The following LAPTM4B variants were observed in gnomAD, a reference collection of about 807,000 sequenced individuals.
LAPTM4B encodes the protein lysosomal-associated transmembrane protein 4B.
LAPTM4B carries 26 observed loss-of-function variants against 28.5 expected under a neutral mutation model. The ratio of observed to expected loss-of-function variants is 0.91; its 90% CI spans 0.67 to 1.27. The LOEUF is 1.27. LAPTM4B is among the 50% of genes most tolerant of loss of function. The pLI, the probability that LAPTM4B is intolerant of heterozygous loss-of-function variation, is 0.00. For missense variants in LAPTM4B, 288 were observed against 285.8 expected (o/e 1.01, Z -0.06); for synonymous variants, 109 against 106.4 (o/e 1.02, Z -0.15).
chr8:97,827,490 G>A (rs116791552), intron 6 of LAPTM4B, among the ~76,000 whole-genome samples: 51 of 152,292 alleles, frequency 3.3e-4, no homozygotes, highest in African/African-American at 1.2e-3. Context: ...CTTATAATAA[G>A]CCAGTAAACC....
chr8:97,812,205 T>TG (rs1491129024), intron 2 of LAPTM4B, among the ~76,000 whole-genome samples: 4 of 82,800 alleles, frequency 4.8e-5, no homozygotes, highest in African/African-American at 1.5e-4. Context: ...ATTAATTATT[T>TG]GTTTTTTTTT....
chr8:97,797,512 A>G (rs1161580816), intron 1 of LAPTM4B, among the ~76,000 whole-genome samples: 1 of 152,230 alleles, frequency 6.6e-6, no homozygotes, highest in African/African-American at 2.4e-5. Context: ...ATTTTAAAAA[A>G]TAAGATTTTA....
chr8:97,826,226 C>T (rs1242229530), intron 6 of LAPTM4B, among the ~76,000 whole-genome samples: 1 of 152,106 alleles, frequency 6.6e-6, no homozygotes, highest in Non-Finnish European at 1.5e-5. Flanking sequence ...AAATGCTCAC[C>T]ACACATTTCT....
Position 97,816,174 on chromosome 8 carries a change from G to A in LAPTM4B, c.402G>A (p.Arg134=). ...CAAACTCCATTCAGGAATACATACG[G>A]CAACTGGTACGTGGACCTCTTACTG... ...IYPNSIQEYI[R]QLPPNFPYRD... Residue 134 remains arginine (R), a synonymous_variant, in exon 4 of 7, where the codon CGG becomes CGA. Coordinates refer to ENST00000521545, the MANE Select transcript of LAPTM4B (RefSeq NM_018407.6). The A allele has an allele frequency of 6.2e-7, 1 of 1,611,452 alleles. No homozygotes were observed. Among genetic ancestry groups the A allele is most frequent in the Non-Finnish European group, 8.5e-7 (1 of 1,179,342 alleles).
chr8:97,782,973 A>G (rs143411223), intron 1 of LAPTM4B, among the ~76,000 whole-genome samples: 1 of 147,132 alleles, frequency 6.8e-6, no homozygotes, highest in East Asian at 2.0e-4. Context: ...GGGTTTCTCC[A>G]TGTTAGTCAA....
In LAPTM4B at chr8:97,851,568, A is replaced by G; in HGVS notation, c.*94A>G. 1.1e-6 allele frequency: 1 copy of G among 929,060 alleles called. No homozygotes were observed. The highest frequency in any genetic ancestry group is 2.0e-5 in the Admixed American group (1 of 48,858). 57.6% of individuals were successfully genotyped at this position (929,060 alleles called of 1,614,324 possible). A position where few individuals can be genotyped will look rare whatever the true frequency, so the allele number is the denominator to read the frequency against. Reference sequence around the variant, plus strand: ...TTCACTTTTGCCATGAGCCTCTCTGAGCTTGTTTGTTGCTGAAATGCTACT... The same window carrying G: ...TTCACTTTTGCCATGAGCCTCTCTGGGCTTGTTTGTTGCTGAAATGCTACT... On this transcript the variant is annotated 3_prime_UTR_variant, in exon 7 of 7. Transcript: ENST00000521545.
At chr8:97,823,692 T>A in intron 5 of LAPTM4B, among the ~76,000 whole-genome samples, 1 of 129,602 alleles carries the variant, frequency 7.7e-6, no homozygotes. Flanking sequence ...TATTATTATT[T>A]ATTTAGTTTT....
At chr8:97,819,314 G>A in intron 5 of LAPTM4B, 76 bp downstream of exon 5, 1 of 894,484 alleles carries the variant, frequency 1.1e-6, no homozygotes, top group Admixed American at 2.6e-5. Context: ...AACAAACTTT[G>A]GTCAGTTTAT....
At chr8:97,834,086 C>T (rs1007865018) in intron 6 of LAPTM4B, among the ~76,000 whole-genome samples, 1 of 148,068 alleles carries the variant, frequency 6.8e-6, no homozygotes, top group African/African-American at 2.5e-5. Context: ...GGGAGGATCA[C>T]TGGAGGCCAG....
intron 2 of LAPTM4B, among the ~76,000 whole-genome samples, chr8:97,811,804 A>G (rs1816831991): frequency 6.6e-6 from 1 of 151,896 alleles, no homozygotes; most frequent in Non-Finnish European, 1.5e-5. Flanking sequence ...TATTTTCTTT[A>G]CTTTTGTATT....
intron 1 of LAPTM4B, among the ~76,000 whole-genome samples, chr8:97,801,161 C>T (rs1816670365): frequency 6.7e-6 from 1 of 148,996 alleles, no homozygotes; most frequent in Non-Finnish European, 1.5e-5. Flanking sequence ...GTACATTGCC[C>T]TTGTGTGGTT....
intron 1 of LAPTM4B, 99 bp downstream of exon 1, chr8:97,776,207 C>G (rs1482133036): frequency 7.8e-7 from 1 of 1,289,268 alleles, no homozygotes. Context: ...TGCGCTCATC[C>G]GCCTAAAGTT....
At position 97,776,700 on chromosome 8, in the gene LAPTM4B, G is replaced by C. The variant is rs541965543; in HGVS notation, c.99+592G>C. Among the ~76,000 whole-genome samples, 1,108 of 141,214 alleles carry C rather than the reference G, an allele frequency of 7.8e-3. 20 individuals are homozygous for C. The highest frequency in any genetic ancestry group is 0.029 in the African/African-American group (1,024 of 35,286). The allele number at this position is 141,214 out of a possible 152,430, so 92.6% of individuals were successfully genotyped here. On this transcript the variant is annotated intron_variant, in intron 1 of 6. Transcript: ENST00000521545. ...CCTCTTGTGAATGGGTCCCCCCCCC[G>C]ATGTTTTAAAGCCCTTACTCCAGGA...
rs1364549107 is a variant in LAPTM4B, at chr8:97,852,514, A to G, written c.*1040A>G. The G allele has an allele frequency of 6.6e-6, 1 of 152,254 alleles. No individual in the cohort carries two copies. The highest frequency in any genetic ancestry group is 1.5e-5 in the Non-Finnish European group (1 of 68,144). The allele number at this position is 152,254 out of a possible 1,614,324, so 9.4% of individuals were successfully genotyped here. ...GGATTTTTATATATTCATATGTTACAAAGTCAGCAACTCTCCTGTTGGTTC... is the reference window on the plus strand; with the variant it reads ...GGATTTTTATATATTCATATGTTACGAAGTCAGCAACTCTCCTGTTGGTTC... On this transcript the variant is annotated 3_prime_UTR_variant, in exon 7 of 7. Coordinates refer to ENST00000521545, the MANE Select transcript of LAPTM4B (RefSeq NM_018407.6).
In LAPTM4B at chr8:97,777,137, G is replaced by GTTT. The variant is rs1176218610; in HGVS notation, c.99+1054_99+1056dup. ...AGCATATATAACTTTTTTCAGTGAG[G>GTTT]TTTTTTTTTTTTTTTTTTTTTTTTT... On this transcript the variant is annotated intron_variant, in intron 1 of 6. Transcript: ENST00000521545. 1.6e-3 allele frequency among the ~76,000 whole-genome samples: 135 copies of GTTT among 83,850 alleles called. 10 individuals are homozygous for GTTT. Among genetic ancestry groups the GTTT allele is most frequent in the African/African-American group, 4.0e-3 (86 of 21,422 alleles). 55.0% of individuals were successfully genotyped at this position (83,850 alleles called of 152,430 possible). A position where few individuals can be genotyped will look rare whatever the true frequency, so the allele number is the denominator to read the frequency against.
chr8:97,828,168 T>G (rs566437277), intron 6 of LAPTM4B, among the ~76,000 whole-genome samples: 3 of 151,578 alleles, frequency 2.0e-5, no homozygotes, highest in Admixed American at 2.0e-4. Flanking sequence ...TGAGAAAGAG[T>G]AGTGAAGTAT....
rs761271139 is a variant in LAPTM4B, at chr8:97,805,360, A to G, written c.107A>G (p.Asn36Ser). 2.6e-5 allele frequency: 40 copies of G among 1,547,804 alleles called. No individual in the cohort carries two copies. The highest frequency in any genetic ancestry group is 5.7e-5 in the African/African-American group (4 of 70,640). Reference sequence around the variant, plus strand: ...TTTTTTTTCTTGTTGCAGATCATCAATGCTGTGGTACTGTTGATTTTATTG... The same window carrying G: ...TTTTTTTTCTTGTTGCAGATCATCAGTGCTGTGGTACTGTTGATTTTATTG... The part of the protein sequence containing the change: ...ILLGVWYLII[N>S]AVVLLILLSA... The change falls in exon 2 of 7, where the codon AAT becomes AGT. Residue 36 changes from asparagine to serine, a missense_variant. Physicochemically the swap from Asn to Ser is conservative, Grantham distance 46. Coordinates refer to ENST00000521545, the MANE Select transcript of LAPTM4B (RefSeq NM_018407.6).
intron 6 of LAPTM4B, among the ~76,000 whole-genome samples, chr8:97,830,533 T>G (rs998611017): frequency 1.3e-5 from 2 of 152,186 alleles, no homozygotes; most frequent in Admixed American, 6.5e-5. Context: ...AAAGGCCTAT[T>G]GTAAATGAAA....
chr8:97,800,482 CTCTT>C (rs1335668216), intron 1 of LAPTM4B, among the ~76,000 whole-genome samples: 17 of 116,964 alleles, frequency 1.5e-4, no homozygotes, highest in African/African-American at 6.8e-4. Context: ...ACCCCTTGAC[CTCTT>C]TTTTTTTTTT....
Sources: allele counts gnomAD v4.1 joint callset (sites outside exome capture counted in the v4.1 genomes callset), GRCh38; gene constraint gnomAD v4.1.1; transcripts MANE v1.5; gene names NCBI Gene and HGNC (gene_info 2026-07-23, HGNC 2026-07-21).